The following RECQL variants were observed in gnomAD, a reference collection of about 807,000 sequenced individuals.
RECQL encodes ATP-dependent DNA helicase Q1.
RECQL carries 73 observed loss-of-function variants against 75.8 expected under a neutral mutation model. That is an observed-to-expected ratio of 0.96 (90% CI 0.80 to 1.17). RECQL has a LOEUF of 1.17. RECQL is among the 50% of genes most tolerant of loss of function. The pLI is 0.00. For synonymous variants in RECQL, 248 were observed against 254.4 expected (o/e 0.97, Z 0.24); for missense variants, 699 against 772.1 (o/e 0.91, Z 1.12).
intron 6 of RECQL, among the ~76,000 whole-genome samples, chr12:21,478,781 T>C (rs1943135572): frequency 6.6e-6 from 1 of 152,182 alleles, no homozygotes; most frequent in African/African-American, 2.4e-5. Flanking sequence ...CAAGATTTGG[T>C]GGCAGAAGTG....
chr12:21,494,725 A>C (rs1160284214), intron 2 of RECQL, among the ~76,000 whole-genome samples: 1 of 152,178 alleles, frequency 6.6e-6, no homozygotes, highest in African/African-American at 2.4e-5. Flanking sequence ...TCCAGAGGAC[A>C]CTTCTTTCAC....
intron 2 of RECQL, among the ~76,000 whole-genome samples, chr12:21,493,769 C>A (rs900617011): frequency 1.3e-5 from 2 of 152,156 alleles, no homozygotes; most frequent in African/African-American, 4.8e-5. Context: ...GTCCTTGTTG[C>A]CTTGTATGGG....
At chr12:21,477,139 C>T (rs1283647815) in intron 7 of RECQL, 147 bp from the exon 8 acceptor site, 2 of 518,480 alleles carry the variant, frequency 3.9e-6, no homozygotes, top group African/African-American at 2.0e-5. Context: ...TTCAACCCAT[C>T]TGACTCATCT....
chr12:21,485,355 A>AAAAGAAAAG lies in RECQL; in HGVS notation c.501+1115_501+1123dup, dbSNP rs1382009368. ...GAAAAAAAAAAAAAGAAAAAGAAAG[A>AAAAGAAAAG]AAAGAAAAGAAAGAGAGAAAGAAAG... On this transcript the variant is annotated intron_variant, in intron 5 of 14. Transcript: ENST00000444129. Among the ~76,000 whole-genome samples, 4 of 151,570 alleles carry AAAAGAAAAG rather than the reference A, an allele frequency of 2.6e-5. No individual in the cohort carries two copies. The East Asian group carries it at 7.7e-4, about 29-fold the overall frequency.
chr12:21,481,598 C>T (rs1162221040), intron 6 of RECQL, among the ~76,000 whole-genome samples: 2 of 152,028 alleles, frequency 1.3e-5, no homozygotes, highest in Non-Finnish European at 2.9e-5. Flanking sequence ...GCGTATACAT[C>T]CCGTTTAAGG....
intron 13 of RECQL, 21 bp from the exon 14 acceptor site, chr12:21,471,119 C>A: frequency 6.5e-7 from 1 of 1,546,242 alleles, no homozygotes; most frequent in Non-Finnish European, 8.6e-7. Context: ...TAAAGGCCAA[C>A]AATAAGAAAG....
rs1398731019 is a variant in RECQL, at chr12:21,469,987, G to C, written c.*207C>G. ...GGTTTTACATAAAAATTTTTCCCTT[G>C]TTTTATACTGGAAAATTATATAATT... On this transcript the variant is annotated 3_prime_UTR_variant, in exon 15 of 15. Transcript: ENST00000444129. The C allele has an allele frequency of 3.2e-6, 2 of 632,294 alleles. No individual in the cohort carries two copies. The highest frequency in any genetic ancestry group is 4.7e-6 in the Non-Finnish European group (2 of 422,432). 39.2% of individuals were successfully genotyped at this position (632,294 alleles called of 1,614,324 possible).
At chr12:21,491,322 G>T (rs1449745519) in intron 3 of RECQL, among the ~76,000 whole-genome samples, 197 bp downstream of exon 3, 1 of 151,988 alleles carries the variant, frequency 6.6e-6, no homozygotes, top group East Asian at 1.9e-4. Flanking sequence ...AAAAATGTCT[G>T]AATAATAAAA....
intron 2 of RECQL, among the ~76,000 whole-genome samples, chr12:21,497,108 C>T (rs1184940070): frequency 6.6e-6 from 1 of 152,174 alleles, no homozygotes. Context: ...ACTATGTGAC[C>T]TGTGCTGCCT....
intron 2 of RECQL, among the ~76,000 whole-genome samples, chr12:21,496,029 G>A (rs887645287): frequency 2.0e-5 from 3 of 152,148 alleles, no homozygotes; most frequent in African/African-American, 4.8e-5. Context: ...AAGATCAAAC[G>A]GAAGCCAGCA....
chr12:21,472,125 AT>A (rs1942983733), intron 12 of RECQL, among the ~76,000 whole-genome samples: 1 of 152,094 alleles, frequency 6.6e-6, no homozygotes, highest in South Asian at 2.1e-4. Flanking sequence ...AAACTCATAA[AT>A]TTCTCTGTCT....
intron 10 of RECQL, 65 bp downstream of exon 10, chr12:21,475,403 C>A: frequency 2.1e-6 from 2 of 950,200 alleles, no homozygotes; most frequent in South Asian, 1.5e-5. Context: ...ACTTATTAAG[C>A]ATTTATCATG....
intron 5 of RECQL, among the ~76,000 whole-genome samples, chr12:21,485,210 C>CAAA (rs60867895): frequency 4.4e-5 from 5 of 112,744 alleles, no homozygotes; most frequent in African/African-American, 1.4e-4. Flanking sequence ...TATACTCTTG[C>CAAA]AAAAAAAAAA....
rs764003284 is a variant in RECQL, at chr12:21,477,007, A to T, written c.868-15T>A. 6.3e-7 allele frequency: 1 copy of T among 1,590,694 alleles called. No individual in the cohort carries two copies. Among genetic ancestry groups the T allele is most frequent in the Non-Finnish European group, 8.6e-7 (1 of 1,166,934 alleles). ...TTCTGCCGAACCTAAAAAAAACTTA[A>T]CTTATTAAAAAGTAAATGAATGAGT... is the stretch of plus-strand genomic sequence containing the variant. On this transcript the variant is annotated splice_polypyrimidine_tract_variant and intron_variant, in intron 7 of 14. Transcript: ENST00000444129.
At chr12:21,491,212 C>A (rs1395481263) in intron 3 of RECQL, among the ~76,000 whole-genome samples, 1 of 152,028 alleles carries the variant, frequency 6.6e-6, no homozygotes, top group Non-Finnish European at 1.5e-5. Context: ...TAACCTTTGG[C>A]AAGGAGTTTG....
intron 2 of RECQL, among the ~76,000 whole-genome samples, chr12:21,495,862 G>C (rs73071369): frequency 0.026 from 3,980 of 152,292 alleles, 64 homozygotes; most frequent in Middle Eastern, 0.037. Context: ...GCAGGTTCAA[G>C]TCCAGCGGCT....
chr12:21,473,022 C>T (rs968077629), intron 12 of RECQL, among the ~76,000 whole-genome samples: 1 of 152,048 alleles, frequency 6.6e-6, no homozygotes, highest in South Asian at 2.1e-4. Context: ...TCCTTTTATT[C>T]ACCTTTGTTT....
chr12:21,493,466 C>T (rs2136762524), intron 2 of RECQL, among the ~76,000 whole-genome samples: 1 of 151,576 alleles, frequency 6.6e-6, no homozygotes, highest in South Asian at 2.1e-4. Flanking sequence ...CTATGATTGT[C>T]CTTAAAAAAA....
At position 21,469,922 on chromosome 12, in the gene RECQL, C is replaced by T. The variant is rs1222411087; in HGVS notation, c.*272G>A. 3 of 302,616 alleles carry T rather than the reference C, an allele frequency of 9.9e-6. No individual in the cohort carries two copies. Among genetic ancestry groups the T allele is most frequent in the Non-Finnish European group, 1.8e-5 (3 of 167,734 alleles). 18.7% of individuals were successfully genotyped at this position (302,616 alleles called of 1,614,324 possible). A position where few individuals can be genotyped will look rare whatever the true frequency, so the allele number is the denominator to read the frequency against. ...ATATAAAGGCATAAAAAACTTAAGACGATTGTATGAACTTATTCTCAAATA... is the reference window on the plus strand; with the variant it reads ...ATATAAAGGCATAAAAAACTTAAGATGATTGTATGAACTTATTCTCAAATA... On this transcript the variant is annotated 3_prime_UTR_variant, in exon 15 of 15. Transcript: ENST00000444129.
Sources: allele counts gnomAD v4.1 joint callset (sites outside exome capture counted in the v4.1 genomes callset), GRCh38; gene constraint gnomAD v4.1.1; transcripts MANE v1.5; gene names NCBI Gene and HGNC (gene_info 2026-07-23, HGNC 2026-07-21).